The following ZBTB34 variants were observed in gnomAD, a reference collection of about 807,000 sequenced individuals.
ZBTB34 encodes zinc finger and BTB domain-containing protein 34.
A neutral mutation model predicts 33.4 loss-of-function variants in ZBTB34; 1 was observed. That is an observed-to-expected ratio of 0.03 (90% confidence interval 0.01 to 0.14). The LOEUF (loss-of-function observed/expected upper bound fraction) is 0.14, where lower values mean the gene tolerates loss of function less well. ZBTB34 is among the 10% of genes least tolerant of loss of function. ZBTB34 has a pLI of 1.00. For missense variants in ZBTB34, 406 were observed against 657.2 expected, an observed-to-expected ratio of 0.62 and a Z score of 4.18; for synonymous variants, 283 against 253.5, an observed-to-expected ratio of 1.12 and a Z score of -1.11.
intron 1 of ZBTB34, among the ~76,000 whole-genome samples, chr9:126,874,360 A>G (rs745961684): frequency 6.6e-6 from 1 of 151,686 alleles, no homozygotes; most frequent in Admixed American, 6.6e-5. Flanking sequence ...TCTGCTATGT[A>G]TGTTCTAGGT....
At chr9:126,873,205 C>G (rs1333912930) in intron 1 of ZBTB34, among the ~76,000 whole-genome samples, 1 of 152,140 alleles carries the variant, frequency 6.6e-6, no homozygotes, top group Non-Finnish European at 1.5e-5. Flanking sequence ...TAGGTGCCAG[C>G]TGAGTTGCAT....
chr9:126,882,003 T>G (rs574154495), exon 2 of ZBTB34: 1 of 166,978 alleles, frequency 6.0e-6, no homozygotes, highest in Admixed American at 6.5e-5. Flanking sequence ...CCAGTTCAGG[T>G]GCACAGCAAC....
chr9:126,865,497 T>C (rs1335612473), intron 1 of ZBTB34, among the ~76,000 whole-genome samples: 2 of 152,242 alleles, frequency 1.3e-5, no homozygotes, highest in Admixed American at 1.3e-4. Flanking sequence ...GTTCCAAGGC[T>C]TTATCCAAGA....
rs531384418 is a variant in ZBTB34 at position 126,868,234 on chromosome 9, G to A, written c.-11+7495G>A. Among the ~76,000 whole-genome samples, 8 of 152,318 alleles carry A rather than the reference G, an allele frequency of 5.3e-5. 1 individual carries two copies. In the South Asian group the frequency reaches 1.7e-3, roughly 32 times the overall value. ...GCAGCCTCTTGCTGTCCTGATGCAT[G>A]GGCGCAGTGATGGATTCTGTAGCTT... On this transcript the variant is annotated intron_variant, in intron 1 of 1. Transcript: ENST00000319119.
At position 126,878,427 on chromosome 9, in the gene ZBTB34, G is replaced by A. The variant is rs138933503; in HGVS notation, c.-10-963G>A. Among the ~76,000 whole-genome samples the A allele has an allele frequency of 2.6e-3, 400 of 151,270 alleles. 1 individual carries two copies. The highest frequency in any genetic ancestry group is 4.2e-3 in the Non-Finnish European group (286 of 67,874). On this transcript the variant is annotated intron_variant, in intron 1 of 1. Coordinates refer to ENST00000319119, the Ensembl canonical transcript of ZBTB34. ...GGAGGTTTCAGTGAGCCGAGATCAC[G>A]CCACTGCACTCCAGCCTGTGCAACA...
exon 2 of ZBTB34, chr9:126,884,542 T>C (rs1286613691): frequency 6.0e-6 from 1 of 166,818 alleles, no homozygotes; most frequent in Non-Finnish European, 1.5e-5. Flanking sequence ...CAGAATATAC[T>C]GTAGAACGAA....
At chr9:126,865,622 A>G (rs574210118) in intron 1 of ZBTB34, among the ~76,000 whole-genome samples, 1 of 152,170 alleles carries the variant, frequency 6.6e-6, no homozygotes, top group Non-Finnish European at 1.5e-5. Flanking sequence ...AGAGGATGTC[A>G]TTAGTTTTCC....
intron 1 of ZBTB34, among the ~76,000 whole-genome samples, chr9:126,865,821 C>T (rs1281899830): frequency 5.3e-5 from 8 of 152,108 alleles, no homozygotes; most frequent in African/African-American, 1.7e-4. Context: ...CCTGTCTCTA[C>T]TAAAAACACA....
At chr9:126,863,818 C>T (rs1205235876) in intron 1 of ZBTB34, 1 of 578,140 alleles carries the variant, frequency 1.7e-6, no homozygotes, top group African/African-American at 2.0e-5. Context: ...GATGCTGTGC[C>T]TTACTATTTT....
intron 1 of ZBTB34, among the ~76,000 whole-genome samples, chr9:126,869,024 A>G (rs1448653054): frequency 6.6e-6 from 1 of 152,168 alleles, no homozygotes; most frequent in African/African-American, 2.4e-5. Context: ...ATTCTGGTCT[A>G]GAAAAGAGGG....
At chr9:126,874,458 C>G (rs1198954089) in intron 1 of ZBTB34, among the ~76,000 whole-genome samples, 2 of 152,138 alleles carry the variant, frequency 1.3e-5, no homozygotes, top group African/African-American at 4.8e-5. Context: ...TGTATTTCTT[C>G]TGTAGTTACT....
At chr9:126,882,212 G>A (rs2033452177) in exon 2 of ZBTB34, 1 of 167,056 alleles carries the variant, frequency 6.0e-6, no homozygotes. Context: ...GATACTCTGT[G>A]TGTCACCAAA....
At chr9:126,874,156 C>T (rs1298303944) in intron 1 of ZBTB34, among the ~76,000 whole-genome samples, 1 of 149,958 alleles carries the variant, frequency 6.7e-6, no homozygotes, top group East Asian at 2.0e-4. Flanking sequence ...AGTCTCCTGC[C>T]TCAGCCTCCC....
intron 1 of ZBTB34, among the ~76,000 whole-genome samples, chr9:126,861,486 T>A (rs966032433): frequency 6.6e-6 from 1 of 152,080 alleles, no homozygotes; most frequent in African/African-American, 2.4e-5. Flanking sequence ...TTCATTTAAC[T>A]CTCTAAGAAC....
At chr9:126,861,501 C>A (rs936090241) in intron 1 of ZBTB34, among the ~76,000 whole-genome samples, 11 of 152,230 alleles carry the variant, frequency 7.2e-5, no homozygotes, top group African/African-American at 2.7e-4. Context: ...AAGAACCCTT[C>A]TGGCTCTGCC....
At chr9:126,875,746 T>C (rs2033347963) in intron 1 of ZBTB34, among the ~76,000 whole-genome samples, 1 of 152,206 alleles carries the variant, frequency 6.6e-6, no homozygotes, top group African/African-American at 2.4e-5. Context: ...TATCTGCATG[T>C]AATAGTAATT....
At chr9:126,877,739 T>G (rs1237284116) in intron 1 of ZBTB34, among the ~76,000 whole-genome samples, 7 of 152,216 alleles carry the variant, frequency 4.6e-5, no homozygotes, top group African/African-American at 1.7e-4. Context: ...GCGCGGTGGC[T>G]CACGCCTGTT....
chr9:126,884,100 A>G (rs2033485588), exon 2 of ZBTB34: 1 of 167,086 alleles, frequency 6.0e-6, no homozygotes, highest in Admixed American at 6.5e-5. Context: ...ATATGTGAAG[A>G]AATCTTTTAC....
intron 1 of ZBTB34, among the ~76,000 whole-genome samples, chr9:126,869,000 C>A (rs1250529852): frequency 1.3e-5 from 2 of 152,134 alleles, no homozygotes; most frequent in Non-Finnish European, 2.9e-5. Context: ...CTCCTCATAA[C>A]CCTTCTGCTA....
Sources: allele counts gnomAD v4.1 joint callset (sites outside exome capture counted in the v4.1 genomes callset), GRCh38; gene constraint gnomAD v4.1.1; transcripts MANE v1.5; gene names NCBI Gene and HGNC (gene_info 2026-07-23, HGNC 2026-07-21).